The following TTYH1 variants were observed in gnomAD, a reference collection of about 807,000 sequenced individuals.
The protein encoded by TTYH1 is tweety family member 1.
Under a neutral mutation model 61.2 loss-of-function variants are expected in TTYH1, and 33 were observed. The observed-to-expected ratio is 0.54, with a 90% CI of 0.41 to 0.72. The LOEUF (loss-of-function observed/expected upper bound fraction) is 0.72, where lower values mean the gene tolerates loss of function less well. TTYH1 is among the 30% of genes least tolerant of loss of function. The pLI is 0.00. For synonymous variants in TTYH1, 308 were observed against 266.4 expected (o/e 1.16, Z -1.52); for missense variants, 538 against 575.8 (o/e 0.93, Z 0.67).
intron 1 of TTYH1, among the ~76,000 whole-genome samples, chr19:54,418,028 T>A (rs914375321): frequency 1.5e-5 from 2 of 129,952 alleles, no homozygotes; most frequent in African/African-American, 5.9e-5. Context: ...ACACACACAC[T>A]GTGCCACTGT....
In TTYH1 at chr19:54,431,209, C is replaced by G. The variant is rs1219277909; in HGVS notation, c.1125+18C>G. Reference sequence around the variant, plus strand: ...TGCACAAGGTGAAGCCCCTCCCCTCCCAATTTCTTCTCCCACGGGGGGCCT... The same window carrying G: ...TGCACAAGGTGAAGCCCCTCCCCTCGCAATTTCTTCTCCCACGGGGGGCCT... On this transcript the variant is annotated intron_variant, in intron 10 of 13. Transcript: ENST00000376530. 2.8e-5 allele frequency: 45 copies of G among 1,590,218 alleles called. No individual in the cohort carries two copies. Among genetic ancestry groups the G allele is most frequent in the Non-Finnish European group, 3.9e-5 (45 of 1,158,438 alleles).
chr19:54,436,231 C>T lies in TTYH1; in HGVS notation c.*42+60C>T. On this transcript the variant is annotated intron_variant, in intron 13 of 13. Transcript: ENST00000376530. This position sits in a 1 kb window ranked among gnomAD's most constrained non-coding sequence, Gnocchi z 4.3. ...CGGGCCTCTGCCCCCCTCCCGCCCT[C>T]CGAGCTGCTCCAGGCATGGGCTGCG... 1 of 1,608,006 alleles carries T rather than the reference C, an allele frequency of 6.2e-7. No individual in the cohort carries two copies. The highest frequency in any genetic ancestry group is 1.1e-5 in the South Asian group (1 of 90,760).
intron 10 of TTYH1, 147 bp downstream of exon 10, chr19:54,431,338 T>A (rs747122688): frequency 1.6e-6 from 1 of 630,336 alleles, no homozygotes; most frequent in Non-Finnish European, 2.8e-6. Context: ...CTGTCCTATA[T>A]CTATTCTCTA....
rs1034838504 is a variant in TTYH1 at position 54,436,009 on chromosome 19, A to C, written c.1315-82A>C. 1.9e-4 allele frequency: 294 copies of C among 1,576,190 alleles called. 1 individual carries two copies. The highest frequency in any genetic ancestry group is 2.5e-5 in the Non-Finnish European group (29 of 1,147,618). On this transcript the variant is annotated intron_variant, in intron 12 of 13. Transcript: ENST00000376530. The surrounding 1 kb of genome is among the most constrained non-coding windows in gnomAD (Gnocchi z 4.3). Reference sequence around the variant, plus strand: ...GGGCCCGGACTCCTGGGTCTGAGGGAGGAGGGGCTGGGGTCCCACAGTACA... The same window carrying C: ...GGGCCCGGACTCCTGGGTCTGAGGGCGGAGGGGCTGGGGTCCCACAGTACA...
chr19:54,436,011 G>A lies in TTYH1; in HGVS notation c.1315-80G>A, dbSNP rs1181853189. 3 of 1,577,624 alleles carry A rather than the reference G, an allele frequency of 1.9e-6. No individual in the cohort carries two copies. Among genetic ancestry groups the A allele is most frequent in the African/African-American group, 2.7e-5 (2 of 74,084 alleles). The stretch of plus-strand genomic sequence containing the variant: ...GCCCGGACTCCTGGGTCTGAGGGAG[G>A]AGGGGCTGGGGTCCCACAGTACAAA... On this transcript the variant is annotated intron_variant, in intron 12 of 13. Transcript: ENST00000376530. This position sits in a 1 kb window ranked among gnomAD's most constrained non-coding sequence, Gnocchi z 4.3.
At chr19:54,418,987 T>C (rs1230780403) in intron 1 of TTYH1, 141 bp from the exon 2 acceptor site, 1 of 815,198 alleles carries the variant, frequency 1.2e-6, no homozygotes, top group Admixed American at 2.7e-5. Flanking sequence ...TGGGACCCAA[T>C]CTCCCCCAAG....
chr19:54,421,645 C>G lies in TTYH1; in HGVS notation c.417+257C>G, dbSNP rs993558966. On this transcript the variant is annotated intron_variant, in intron 3 of 13. Coordinates refer to ENST00000376530, the MANE Select transcript of TTYH1 (RefSeq NM_020659.4). The surrounding 1 kb of genome is among the most constrained non-coding windows in gnomAD (Gnocchi z 4.8). ...CCCCAAGCCACACAGAAACCAAGCA[C>G]CAGCGACACCAGCCCCTGTCCACGG... Among the ~76,000 whole-genome samples, 1 of 152,032 alleles carries G rather than the reference C, an allele frequency of 6.6e-6. No homozygotes were observed. The highest frequency in any genetic ancestry group is 2.4e-5 in the African/African-American group (1 of 41,382).
At chr19:54,425,162 C>T (rs58709528) in intron 4 of TTYH1, among the ~76,000 whole-genome samples, 4,491 of 152,306 alleles carry the variant, frequency 0.029, 96 homozygotes, top group South Asian at 0.087. Context: ...CGATTGGGAG[C>T]GGCAATGGGT....
At chr19:54,435,431 C>A in intron 10 of TTYH1, 111 bp from the exon 11 acceptor site, 3 of 1,326,160 alleles carry the variant, frequency 2.3e-6, no homozygotes, top group South Asian at 2.8e-5. Context: ...ACAGAGTGGT[C>A]AGTTGACGTG....
In TTYH1 at chr19:54,419,570, G is replaced by C; in HGVS notation, c.305+264G>C. On this transcript the variant is annotated intron_variant, in intron 2 of 13. Transcript: ENST00000376530. This position sits in a 1 kb window ranked among gnomAD's most constrained non-coding sequence, Gnocchi z 6.1. ...GAGAAGGCGCAGGGGCAGTCAGATG[G>C]CCTGGTTTTGGTGGCTCTCCCATTG... The C allele has an allele frequency of 1.5e-6, 1 of 680,096 alleles. No homozygotes were observed. Among genetic ancestry groups the C allele is most frequent in the Non-Finnish European group, 2.7e-6 (1 of 371,384 alleles). The allele number at this position is 680,096 out of a possible 1,614,324, so 42.1% of individuals were successfully genotyped here.
intron 1 of TTYH1, among the ~76,000 whole-genome samples, chr19:54,417,236 T>G (rs1326366308): frequency 2.1e-5 from 3 of 146,306 alleles, no homozygotes; most frequent in Non-Finnish European, 4.5e-5. Flanking sequence ...TCCAACACAC[T>G]CACATGCACA....
rs1310184199 is a variant in TTYH1, at chr19:54,416,940, A to C, written c.126+1262A>C. ...ACCGCCAGAGGCACGGGTTTGGGGG[A>C]GCCTCACTCCGCCCCCACGGTCGGG... On this transcript the variant is annotated intron_variant, in intron 1 of 13. Transcript: ENST00000376530. The surrounding 1 kb of genome is among the most constrained non-coding windows in gnomAD (Gnocchi z 7.0). 7.9e-7 allele frequency: 1 copy of C among 1,260,890 alleles called. No individual in the cohort carries two copies. Among genetic ancestry groups the C allele is most frequent in the Non-Finnish European group, 1.0e-6 (1 of 974,340 alleles). The allele number at this position is 1,260,890 out of a possible 1,614,324, so 78.1% of individuals were successfully genotyped here.
Position 54,416,879 on chromosome 19 carries a change from T to TCC in TTYH1, c.126+1203_126+1204dup. ...TCACGCCCGCTCTGGCCCGGAGACCTCCCGAAGCCGCACGCGGGGATCCGC... is the reference window on the plus strand; with the variant it reads ...TCACGCCCGCTCTGGCCCGGAGACCTCCCCCGAAGCCGCACGCGGGGATCCGC... On this transcript the variant is annotated intron_variant, in intron 1 of 13. Coordinates refer to ENST00000376530, the MANE Select transcript of TTYH1 (RefSeq NM_020659.4). This position sits in a 1 kb window ranked among gnomAD's most constrained non-coding sequence, Gnocchi z 7.0. The TCC allele has an allele frequency of 7.8e-7, 1 of 1,289,580 alleles. No individual in the cohort carries two copies. Among genetic ancestry groups the TCC allele is most frequent in the East Asian group, 5.6e-5 (1 of 17,748 alleles). 79.9% of individuals were successfully genotyped at this position (1,289,580 alleles called of 1,614,324 possible).
chr19:54,424,773 G>A (rs762498820), intron 4 of TTYH1, among the ~76,000 whole-genome samples: 1 of 152,234 alleles, frequency 6.6e-6, no homozygotes, highest in African/African-American at 2.4e-5. Flanking sequence ...CACTTGCGAG[G>A]CTGGGCGGAA....
At chr19:54,422,837 G>T (rs1220226981) in intron 4 of TTYH1, among the ~76,000 whole-genome samples, 1 of 148,456 alleles carries the variant, frequency 6.7e-6, no homozygotes, top group East Asian at 2.0e-4. Context: ...GCTGAGGCAG[G>T]AGAATCCCTT....
chr19:54,426,466 G>A (rs532062310), intron 4 of TTYH1: 2 of 602,462 alleles, frequency 3.3e-6, no homozygotes, highest in Admixed American at 3.1e-5. Context: ...ATTCTAAACC[G>A]CTCCAGTGTC....
rs186207907 is a variant in TTYH1 at position 54,427,026 on chromosome 19, C to T, written c.734+258C>T. ...ATAAAGATGAGGATGAGGCCAGGCG[C>T]GGTGGCTCACACCTGTAATCCCAGC... On this transcript the variant is annotated intron_variant, in intron 5 of 13. Coordinates refer to ENST00000376530, the MANE Select transcript of TTYH1 (RefSeq NM_020659.4). Among the ~76,000 whole-genome samples the T allele has an allele frequency of 7.3e-3, 1,107 of 151,924 alleles. 10 individuals are homozygous for T. Among genetic ancestry groups the T allele is most frequent in the African/African-American group, 0.025 (1,017 of 41,448 alleles).
At chr19:54,418,905 C>A (rs1013916152) in intron 1 of TTYH1, among the ~76,000 whole-genome samples, 1 of 152,208 alleles carries the variant, frequency 6.6e-6, no homozygotes, top group Non-Finnish European at 1.5e-5. Context: ...AGGCTTGGGG[C>A]CCCCAGTTGG....
In TTYH1 at chr19:54,436,375, G is replaced by C; in HGVS notation, c.*85G>C. 6.2e-7 allele frequency: 1 copy of C among 1,614,060 alleles called. No homozygotes were observed. Among genetic ancestry groups the C allele is most frequent in the East Asian group, 2.2e-5 (1 of 44,872 alleles). On this transcript the variant is annotated 3_prime_UTR_variant, in exon 14 of 14. Transcript: ENST00000376530. This position sits in a 1 kb window ranked among gnomAD's most constrained non-coding sequence, Gnocchi z 4.3. ...GGAGGAGACCCCACTAACCCAGCCTGCCTGGGCTCTGACCACTAACACTCT... is the reference window on the plus strand; with the variant it reads ...GGAGGAGACCCCACTAACCCAGCCTCCCTGGGCTCTGACCACTAACACTCT...
Sources: gnomAD v4.1 joint callset for allele counts (sites outside exome capture counted in the v4.1 genomes callset) on GRCh38, gnomAD v4.1.1 for gene constraint, Gnocchi (gnomAD v3.1) non-coding constraint, MANE v1.5 for transcripts, NCBI Gene and HGNC (gene_info 2026-07-23, HGNC 2026-07-21) for gene names.